ATM: variants seen among roughly 807,000 people sequenced by gnomAD.
ATM encodes ATM serine/threonine kinase.
In ATM, 308 loss-of-function variants were observed where a neutral mutation model predicts 387.0. The ratio of observed to expected loss-of-function variants is 0.80; its 90% CI spans 0.73 to 0.87. The LOEUF (loss-of-function observed/expected upper bound fraction) is 0.87. Ranked by LOEUF, ATM falls within the 40% of genes least tolerant of loss-of-function variation. The pLI, the probability that ATM is intolerant of heterozygous loss-of-function variation, is 0.00. For missense variants in ATM, 3,312 were observed against 3,560.9 expected (o/e 0.93, Z 1.78); for synonymous variants, 1,156 against 1,187.3 (o/e 0.97, Z 0.54).
chr11:108,336,071 A>G, intron 56 of ATM, 110 bp downstream of exon 56: 1 of 812,996 alleles, frequency 1.2e-6, no homozygotes, highest in Admixed American at 2.0e-5. Flanking sequence ...CCAAGGTGGG[A>G]GGATTGCTTG....
At chr11:108,235,568 T>G in intron 4 of ATM, 102 bp from the exon 5 acceptor site, 1 of 1,121,416 alleles carries the variant, frequency 8.9e-7, no homozygotes, top group Non-Finnish European at 1.3e-6. Context: ...GAAGTTTAGT[T>G]AATAGTAATT....
intron 23 of ATM, 25 bp from the exon 24 acceptor site, chr11:108,280,966 TTACA>T: frequency 2.0e-6 from 3 of 1,537,518 alleles, no homozygotes; most frequent in Middle Eastern, 1.7e-4. Flanking sequence ...ACATTTTACA[TTACA>T]TTTTTTTTTT....
chr11:108,291,482 C>G (rs956103772), intron 29 of ATM, among the ~76,000 whole-genome samples: 1 of 152,210 alleles, frequency 6.6e-6, no homozygotes, highest in Non-Finnish European at 1.5e-5. Flanking sequence ...TCAAACTGAA[C>G]CTCTCTACTC....
intron 57 of ATM, among the ~76,000 whole-genome samples, chr11:108,345,061 T>C (rs1251773131): frequency 6.6e-6 from 1 of 152,024 alleles, no homozygotes; most frequent in African/African-American, 2.4e-5. Context: ...AGTTTTCTGT[T>C]TGGGGCAGCT....
chr11:108,268,632 G>A (rs1361884739), intron 18 of ATM, 23 bp downstream of exon 18: 31 of 1,609,002 alleles, frequency 1.9e-5, no homozygotes, highest in Non-Finnish European at 2.6e-5. Flanking sequence ...AAATGAAGAA[G>A]CTCTTGGATT....
At position 108,243,779 on chromosome 11, in the gene ATM, A is replaced by G. The variant is rs75305266; in HGVS notation, c.497-174A>G. Among the ~76,000 whole-genome samples, 10,095 of 152,260 alleles carry G rather than the reference A, an allele frequency of 0.066. 434 individuals are homozygous for G. Among genetic ancestry groups the G allele is most frequent in the Admixed American group, 0.094 (1,437 of 15,286 alleles). ...GTTATTCCTGTCTTAAAGGCATTTT[A>G]TATAAGATAAAATTAAATACTGATG... On this transcript the variant is annotated intron_variant, in intron 5 of 62. Transcript: ENST00000675843.
intron 32 of ATM, 164 bp from the exon 33 acceptor site, chr11:108,297,123 A>G: frequency 1.7e-6 from 1 of 604,140 alleles, no homozygotes; most frequent in Non-Finnish European, 2.9e-6. Context: ...GTATTAAGGA[A>G]GTTCAGATTC....
intron 22 of ATM, among the ~76,000 whole-genome samples, chr11:108,277,595 C>G (rs1342903813): frequency 1.3e-5 from 2 of 152,120 alleles, no homozygotes; most frequent in Non-Finnish European, 2.9e-5. Flanking sequence ...CATAGCCCCT[C>G]ACAGCATAGT....
chr11:108,293,180 G>T, intron 30 of ATM, 133 bp from the exon 31 acceptor site: 1 of 638,582 alleles, frequency 1.6e-6, no homozygotes, highest in African/African-American at 1.8e-5. Context: ...TAAAAGCTGG[G>T]TATCTTAGAC....
intron 29 of ATM, chr11:108,290,266 T>A (rs2082712343): frequency 6.6e-6 from 1 of 152,444 alleles, no homozygotes; most frequent in African/African-American, 2.4e-5. Flanking sequence ...ACTTATTAGT[T>A]TTTAAAAATT....
At chr11:108,279,705 C>T (rs1283557396) in intron 23 of ATM, 97 bp downstream of exon 23, 4 of 928,290 alleles carry the variant, frequency 4.3e-6, no homozygotes, top group Non-Finnish European at 7.0e-6. Context: ...GTTTATAATC[C>T]AGTAGTTTAC....
chr11:108,341,326 C>A (rs1423078372), intron 56 of ATM, among the ~76,000 whole-genome samples: 1 of 152,108 alleles, frequency 6.6e-6, no homozygotes, highest in Non-Finnish European at 1.5e-5. Context: ...AGGCCTCCGA[C>A]CATGTTGCCA....
intron 20 of ATM, 101 bp downstream of exon 20, chr11:108,271,507 A>G: frequency 2.3e-6 from 3 of 1,323,702 alleles, no homozygotes; most frequent in East Asian, 2.3e-5. Context: ...ATCTTCCTAC[A>G]TAGCTAATAC....
At chr11:108,287,357 G>T (rs960013110) in intron 26 of ATM, 1 of 303,230 alleles carries the variant, frequency 3.3e-6, no homozygotes, top group African/African-American at 2.2e-5. Context: ...TAAAATTGAA[G>T]AATTGGATTA....
At chr11:108,292,577 G>T in intron 29 of ATM, 42 bp from the exon 30 acceptor site, 1 of 1,599,026 alleles carries the variant, frequency 6.3e-7, no homozygotes, top group South Asian at 1.1e-5. Context: ...TAATTTTCCA[G>T]AACTTACTGG....
Position 108,262,115 on chromosome 11 carries a change from T to C in ATM, c.2466+3040T>C, listed in dbSNP as rs1379789763. ...CTAGCAAGGCAGGCCAACATTCAGA[T>C]TCAGGAAATACAGAGAATGCCACAA... On this transcript the variant is annotated intron_variant, in intron 16 of 62. Coordinates refer to ENST00000675843, the MANE Select transcript of ATM (RefSeq NM_000051.4). Among the ~76,000 whole-genome samples the C allele has an allele frequency of 7.9e-5, 12 of 151,936 alleles. No homozygotes were observed. The East Asian group carries it at 1.9e-3, about 24-fold the overall frequency.
chr11:108,280,935 A>G, intron 23 of ATM, 60 bp from the exon 24 acceptor site: 3 of 1,488,400 alleles, frequency 2.0e-6, no homozygotes, highest in South Asian at 2.4e-5. Context: ...TTGGGATTTT[A>G]TAATTGATTG....
In ATM at chr11:108,361,649, C is replaced by G. The variant is rs577734706; in HGVS notation, c.8851-3433C>G. Among the ~76,000 whole-genome samples, 793 of 151,802 alleles carry G rather than the reference C, an allele frequency of 5.2e-3. 8 individuals are homozygous for G. The highest frequency in any genetic ancestry group is 0.018 in the African/African-American group (763 of 41,430). ...AGCCCTTAGAAATAACGCCGCATGTCTACAACTATCTGATCTTTGACAAAC... is the reference window on the plus strand; with the variant it reads ...AGCCCTTAGAAATAACGCCGCATGTGTACAACTATCTGATCTTTGACAAAC... On this transcript the variant is annotated intron_variant, in intron 61 of 62. Coordinates refer to ENST00000675843, the MANE Select transcript of ATM (RefSeq NM_000051.4).
At chr11:108,343,163 T>A (rs2136935021) in intron 56 of ATM, 59 bp from the exon 57 acceptor site, 4 of 1,595,530 alleles carry the variant, frequency 2.5e-6, no homozygotes, top group Non-Finnish European at 3.4e-6. Flanking sequence ...AGCTGAATGA[T>A]CATCAAATGC....
Sources: allele counts gnomAD v4.1 joint callset (sites outside exome capture counted in the v4.1 genomes callset), GRCh38; gene constraint gnomAD v4.1.1; transcripts MANE v1.5; gene names NCBI Gene and HGNC (gene_info 2026-07-23, HGNC 2026-07-21).